The following KCNK2 variants were observed in gnomAD, a reference collection of about 807,000 sequenced individuals.
The protein encoded by KCNK2 is potassium two pore domain channel subfamily K member 2, also known as potassium channel subfamily K member 2.
In KCNK2, 21 loss-of-function variants were observed where a neutral mutation model predicts 40.5. That is an observed-to-expected ratio of 0.52 (90% CI 0.37 to 0.75). KCNK2 has a LOEUF of 0.75. Among genes scored for constraint, KCNK2 ranks in the 30% least tolerant of loss-of-function variants. The probability of loss-of-function intolerance (pLI) is 0.00; values close to 1 mark genes in which losing one functional copy is unlikely to be tolerated. For synonymous variants in KCNK2, 191 were observed against 202.2 expected (o/e 0.94, Z 0.47); for missense variants, 399 against 531.6 (o/e 0.75, Z 2.45).
At chr1:215,189,873 AAAAGT>A (rs1460329064) in intron 5 of KCNK2, among the ~76,000 whole-genome samples, 1 of 152,184 alleles carries the variant, frequency 6.6e-6, no homozygotes, top group Non-Finnish European at 1.5e-5. Flanking sequence ...TTTAATTAAT[AAAAGT>A]AAAGTCAAGT....
intron 1 of KCNK2, among the ~76,000 whole-genome samples, chr1:215,084,725 G>A (rs533393868): frequency 1.3e-5 from 2 of 152,174 alleles, no homozygotes. Flanking sequence ...TATCAGGAGA[G>A]AAACATGTGC....
At chr1:215,135,904 T>C (rs1473394342) in intron 3 of KCNK2, among the ~76,000 whole-genome samples, 14 of 151,822 alleles carry the variant, frequency 9.2e-5, no homozygotes, top group Non-Finnish European at 1.5e-5. Context: ...CCAGCTAATT[T>C]TTGTATTTTT....
At chr1:215,180,378 G>A (rs564851861) in intron 5 of KCNK2, among the ~76,000 whole-genome samples, 22 of 152,228 alleles carry the variant, frequency 1.4e-4, no homozygotes, top group African/African-American at 5.3e-4. Context: ...ATATTGATAT[G>A]TTAGGTTTTG....
Position 215,083,240 on chromosome 1 carries a change from G to A in KCNK2, c.-146G>A. 8.0e-7 allele frequency: 1 copy of A among 1,252,632 alleles called. No individual in the cohort carries two copies. The highest frequency in any genetic ancestry group is 1.1e-6 in the Non-Finnish European group (1 of 947,710). 77.6% of individuals were successfully genotyped at this position (1,252,632 alleles called of 1,614,324 possible). ...CGTCCAGCCCCGCTCTCCCCACCTT[G>A]TAAAACAAAGCCGGGGAAAATGCCT... On this transcript the variant is annotated 5_prime_UTR_variant, in exon 1 of 7. Coordinates refer to ENST00000444842, the MANE Select transcript of KCNK2 (RefSeq NM_001017425.3).
intron 5 of KCNK2, among the ~76,000 whole-genome samples, chr1:215,172,406 T>A (rs978280156): frequency 6.6e-6 from 1 of 152,102 alleles, no homozygotes; most frequent in Non-Finnish European, 1.5e-5. Flanking sequence ...CTCAGTAGAA[T>A]TTTTCTTAGC....
rs180948322 is a variant in KCNK2, at chr1:215,092,426, G to C, written c.357+5748G>C. 3.8e-3 allele frequency among the ~76,000 whole-genome samples: 575 copies of C among 152,238 alleles called. 4 individuals carry two copies. The highest frequency in any genetic ancestry group is 4.5e-3 in the Non-Finnish European group (306 of 68,014). On this transcript the variant is annotated intron_variant, in intron 2 of 6. Coordinates refer to ENST00000444842, the MANE Select transcript of KCNK2 (RefSeq NM_001017425.3). ...TTTAGTTATTGAGGAAGATTGATGGGATGCCACATAGCAGGGCTTACAGAT... is the reference window on the plus strand; with the variant it reads ...TTTAGTTATTGAGGAAGATTGATGGCATGCCACATAGCAGGGCTTACAGAT...
chr1:215,048,017 G>A (rs1657837485), intron 1 of KCNK2, among the ~76,000 whole-genome samples: 1 of 152,132 alleles, frequency 6.6e-6, no homozygotes, highest in Admixed American at 6.5e-5. Context: ...AGAATTTATG[G>A]AGTAACGTCA....
chr1:215,127,465 T>C lies in KCNK2; in HGVS notation c.475+2715T>C, dbSNP rs371678434. On this transcript the variant is annotated intron_variant, in intron 3 of 6. Transcript: ENST00000444842. ...CAGACTGAAATCCATTCTTGACCAT[T>C]CCTTTTCTCTCATATGCCACTTCCA... Among the ~76,000 whole-genome samples, 84 of 152,326 alleles carry C rather than the reference T, an allele frequency of 5.5e-4. No homozygotes were observed. The South Asian group carries it at 0.017, about 31-fold the overall frequency.
intron 1 of KCNK2, chr1:215,006,030 C>G (rs1656115870): frequency 1.6e-6 from 2 of 1,251,542 alleles, no homozygotes; most frequent in South Asian, 2.4e-5. Flanking sequence ...GATTTCCAAG[C>G]AAGTATTTGA....
chr1:215,026,553 A>G (rs1657008352), intron 1 of KCNK2, among the ~76,000 whole-genome samples: 1 of 151,946 alleles, frequency 6.6e-6, no homozygotes, highest in Non-Finnish European at 1.5e-5. Context: ...ACCAATATCC[A>G]ATTCTAATGT....
At chr1:215,167,209 A>C (rs1663484631) in intron 3 of KCNK2, among the ~76,000 whole-genome samples, 1 of 152,136 alleles carries the variant, frequency 6.6e-6, no homozygotes. Flanking sequence ...CAATGAAATA[A>C]ATACAAAAAT....
intron 5 of KCNK2, among the ~76,000 whole-genome samples, chr1:215,173,869 A>T (rs373784873): frequency 0.03 from 4,634 of 152,284 alleles, 95 homozygotes; most frequent in South Asian, 0.059. Flanking sequence ...TCTGGATATT[A>T]GCCCTTTGTC....
intron 1 of KCNK2, among the ~76,000 whole-genome samples, chr1:215,049,479 C>A (rs1584759): frequency 0.52 from 78,886 of 151,852 alleles, 21,143 homozygotes; most frequent in African/African-American, 0.61. Context: ...TTTCACTGAA[C>A]AAAAGTTGAT....
At chr1:215,105,070 A>G (rs1660379244) in intron 2 of KCNK2, among the ~76,000 whole-genome samples, 1 of 152,122 alleles carries the variant, frequency 6.6e-6, no homozygotes, top group South Asian at 2.1e-4. Context: ...GGGAAAAAGC[A>G]TGTAACAAGA....
At chr1:215,155,812 C>T (rs1377021960) in intron 3 of KCNK2, among the ~76,000 whole-genome samples, 2 of 152,158 alleles carry the variant, frequency 1.3e-5, no homozygotes. Flanking sequence ...AACCACCACG[C>T]CAGGCCGAGA....
At position 215,235,136 on chromosome 1, in the gene KCNK2, C is replaced by T; in HGVS notation, c.1272C>T (p.Asn424=). The T allele has an allele frequency of 6.3e-7, 1 of 1,594,500 alleles. No homozygotes were observed. Among genetic ancestry groups the T allele is most frequent in the East Asian group, 2.3e-5 (1 of 44,282 alleles). ...CAGEEIAVIE[N]IK is the part of the protein sequence containing the mutation. ...GTGAAGAGATTGCTGTGATTGAGAA[C>T]ATCAAATAGCCCTCTCTTTAAATAA... The change falls in exon 7 of 7, where the codon AAC becomes AAT. Residue 424 remains asparagine (N), a synonymous_variant. Coordinates refer to ENST00000444842, the MANE Select transcript of KCNK2 (RefSeq NM_001017425.3).
intron 2 of KCNK2, among the ~76,000 whole-genome samples, chr1:215,101,241 C>T (rs778432846): frequency 5.3e-5 from 8 of 151,912 alleles, no homozygotes; most frequent in East Asian, 1.9e-4. Flanking sequence ...TCTACTTGAA[C>T]GAGATAATTT....
chr1:215,029,685 T>C (rs1417540720), intron 1 of KCNK2, among the ~76,000 whole-genome samples: 1 of 149,486 alleles, frequency 6.7e-6, no homozygotes, highest in African/African-American at 2.4e-5. Flanking sequence ...AAAAACAGAA[T>C]ATTATTTTTA....
chr1:215,159,794 A>G (rs1437156076), intron 3 of KCNK2, among the ~76,000 whole-genome samples: 3 of 152,198 alleles, frequency 2.0e-5, no homozygotes, highest in Non-Finnish European at 4.4e-5. Context: ...TTCAGTAGTG[A>G]AACCTTACAG....
Sources: allele counts gnomAD v4.1 joint callset (sites outside exome capture counted in the v4.1 genomes callset), GRCh38; gene constraint gnomAD v4.1.1; transcripts MANE v1.5; gene names NCBI Gene and HGNC (gene_info 2026-07-23, HGNC 2026-07-21).